Variants in RBPJ observed in about 807,000 individuals in gnomAD.
RBPJ encodes recombination signal binding protein for immunoglobulin kappa J region.
RBPJ carries 9 observed loss-of-function variants against 67.8 expected under a neutral mutation model. The ratio of observed to expected loss-of-function variants is 0.13; its 90% CI spans 0.08 to 0.23. RBPJ has a LOEUF of 0.23. Ranked by LOEUF, RBPJ falls within the 10% of genes least tolerant of loss-of-function variation. The pLI is 1.00. For synonymous variants in RBPJ, 198 were observed against 203.3 expected, an observed-to-expected ratio of 0.97 and a Z score of 0.22; for missense variants, 305 against 595.6, an observed-to-expected ratio of 0.51 and a Z score of 5.08.
At chr4:26,299,186 CT>C (rs749519414) in intron 1 of RBPJ, among the ~76,000 whole-genome samples, 12 of 152,198 alleles carry the variant, frequency 7.9e-5, no homozygotes, top group Non-Finnish European at 1.6e-4. Flanking sequence ...ATGATTCTTA[CT>C]TTCTTAGGAA....
intron 1 of RBPJ, among the ~76,000 whole-genome samples, chr4:26,258,899 G>A (rs1433331443): frequency 6.6e-6 from 1 of 152,048 alleles, no homozygotes; most frequent in Non-Finnish European, 1.5e-5. Flanking sequence ...TGCCTCCTGG[G>A]TTCAAGCGAT....
At chr4:26,144,466 C>T in the RBPJ span, among the ~76,000 whole-genome samples, 9 of 151,834 alleles carry the variant, frequency 5.9e-5, no homozygotes, top group South Asian at 2.1e-4. Flanking sequence ...GATGGGTTTT[C>T]GCCTTGTTGG....
At chr4:26,390,498 C>T (rs992777360) in intron 2 of RBPJ, among the ~76,000 whole-genome samples, 2 of 152,050 alleles carry the variant, frequency 1.3e-5, no homozygotes, top group African/African-American at 2.4e-5. Flanking sequence ...GAAAATTCTG[C>T]GGAATCTTGC....
rs1730909663 is a variant in RBPJ, at chr4:26,386,335, TTA to T, written c.21-16_21-15del. On this transcript the variant is annotated splice_polypyrimidine_tract_variant and intron_variant, in intron 1 of 10. Transcript: ENST00000355476. ...TAAAGCTTACTTAACTTTATTTTCT[TTA>T]TTTTTTTTTTTCCAGGAAATTTGGT... The T allele has an allele frequency of 6.5e-7, 1 of 1,534,546 alleles. No individual in the cohort carries two copies. The highest frequency in any genetic ancestry group is 8.8e-7 in the Non-Finnish European group (1 of 1,139,070).
chr4:26,395,779 G>T (rs1032980314), intron 2 of RBPJ, among the ~76,000 whole-genome samples: 1 of 152,150 alleles, frequency 6.6e-6, no homozygotes, highest in Admixed American at 6.5e-5. Context: ...GGACTAAGAC[G>T]ATTATATGTT....
At chr4:26,237,668 C>G (rs548443574) in intron 1 of RBPJ, among the ~76,000 whole-genome samples, 1 of 152,286 alleles carries the variant, frequency 6.6e-6, no homozygotes, top group South Asian at 2.1e-4. Context: ...TTACTAGAGC[C>G]ATGATCACGA....
intron 1 of RBPJ, among the ~76,000 whole-genome samples, chr4:26,255,367 G>A (rs1427286065): frequency 1.0e-5 from 1 of 100,354 alleles, no homozygotes; most frequent in South Asian, 3.4e-4. Context: ...TCGCGCCACC[G>A]CACTCCAGCC....
chr4:26,240,676 C>T (rs1038679126), intron 1 of RBPJ, among the ~76,000 whole-genome samples: 24 of 152,278 alleles, frequency 1.6e-4, no homozygotes, highest in African/African-American at 4.8e-4. Context: ...ATCTGTTGAA[C>T]CCATACTGCA....
At chr4:26,316,932 G>C (rs1261952679), upstream of RBPJ, among the ~76,000 whole-genome samples, 3 of 134,656 alleles carry the variant, frequency 2.2e-5, no homozygotes, top group East Asian at 6.7e-4. Flanking sequence ...TGCTAGTCTA[G>C]TCCTAATATT....
At chr4:26,178,821 T>C (rs1173513766) in intron 1 of RBPJ, among the ~76,000 whole-genome samples, 1 of 151,914 alleles carries the variant, frequency 6.6e-6, no homozygotes, top group African/African-American at 2.4e-5. Context: ...TAGTTAATAA[T>C]AATGTTGGTT....
chr4:26,266,572 A>G (rs1208093099), intron 1 of RBPJ, among the ~76,000 whole-genome samples: 1 of 152,138 alleles, frequency 6.6e-6, no homozygotes, highest in Non-Finnish European at 1.5e-5. Flanking sequence ...TAGGGAGGGC[A>G]CTTCTTACAT....
intron 7 of RBPJ, among the ~76,000 whole-genome samples, chr4:26,426,009 T>G (rs1258241266): frequency 6.6e-6 from 1 of 152,044 alleles, no homozygotes; most frequent in Admixed American, 6.6e-5. Flanking sequence ...TTATTTCCCA[T>G]GTCAATGCAA....
At chr4:26,400,896 A>G (rs1464216980) in intron 2 of RBPJ, among the ~76,000 whole-genome samples, 3 of 152,254 alleles carry the variant, frequency 2.0e-5, no homozygotes, top group African/African-American at 7.2e-5. Context: ...TAAGCTTCCA[A>G]TAAATCTTCA....
intron 1 of RBPJ, among the ~76,000 whole-genome samples, chr4:26,362,283 A>G (rs916275438): frequency 1.3e-5 from 2 of 152,134 alleles, no homozygotes; most frequent in African/African-American, 2.4e-5. Context: ...AAGGACTGTC[A>G]CTCTATTCCT....
chr4:26,420,447 G>T, intron 4 of RBPJ, 104 bp from the exon 5 acceptor site: 1 of 670,120 alleles, frequency 1.5e-6, no homozygotes, highest in Non-Finnish European at 2.3e-6. Context: ...GCTATCCCTT[G>T]GAATTGTTTT....
intron 1 of RBPJ, among the ~76,000 whole-genome samples, chr4:26,185,140 TA>T (rs60842821): frequency 0.76 from 107,462 of 141,168 alleles, 40,664 homozygotes; most frequent in South Asian, 0.84. Flanking sequence ...AGACTCTGTC[TA>T]AAAAAAAAAA....
chr4:26,394,029 T>C (rs1374019414), intron 2 of RBPJ, among the ~76,000 whole-genome samples: 2 of 148,804 alleles, frequency 1.3e-5, no homozygotes, highest in Non-Finnish European at 3.0e-5. Context: ...TGGATTCATT[T>C]TTTTTTTTTT....
chr4:26,329,906 A>G (rs78627083), intron 1 of RBPJ, among the ~76,000 whole-genome samples: 19 of 152,026 alleles, frequency 1.2e-4, no homozygotes, highest in African/African-American at 3.6e-4. Flanking sequence ...AAAAAAAAAA[A>G]AGAAAATGCC....
intron 1 of RBPJ, among the ~76,000 whole-genome samples, chr4:26,372,089 A>G (rs1395746730): frequency 6.6e-6 from 1 of 152,196 alleles, no homozygotes; most frequent in Non-Finnish European, 1.5e-5. Flanking sequence ...AAGGAGATGT[A>G]TTTTGTCTAT....
Sources: allele counts gnomAD v4.1 joint callset (sites outside exome capture counted in the v4.1 genomes callset), GRCh38; gene constraint gnomAD v4.1.1; transcripts MANE v1.5; gene names NCBI Gene and HGNC (gene_info 2026-07-23, HGNC 2026-07-21).